The following PLEKHM3 variants were observed in gnomAD, a reference collection of about 807,000 sequenced individuals.
PLEKHM3 encodes pleckstrin homology domain-containing family M member 3.
A neutral mutation model predicts 81.8 loss-of-function variants in PLEKHM3; 45 were observed. That is an observed-to-expected ratio of 0.55 (90% CI 0.43 to 0.71). The LOEUF is 0.71. Among genes scored for constraint, PLEKHM3 ranks in the 30% least tolerant of loss-of-function variants. The probability of loss-of-function intolerance (pLI) is 0.00; values close to 1 mark genes in which losing one functional copy is unlikely to be tolerated. For missense variants in PLEKHM3, 788 were observed against 924.3 expected, an observed-to-expected ratio of 0.85 and a Z score of 1.91; for synonymous variants, 352 against 356.4, an observed-to-expected ratio of 0.99 and a Z score of 0.14.
intron 6 of PLEKHM3, among the ~76,000 whole-genome samples, chr2:207,878,821 T>C (rs989314649): frequency 4.6e-5 from 7 of 151,818 alleles, no homozygotes; most frequent in African/African-American, 1.7e-4. Flanking sequence ...TAGAGCTGGG[T>C]TTTTTTTATT....
At chr2:207,961,598 C>T (rs747712248) in intron 3 of PLEKHM3, among the ~76,000 whole-genome samples, 3 of 152,012 alleles carry the variant, frequency 2.0e-5, no homozygotes, top group Non-Finnish European at 4.4e-5. Flanking sequence ...GAAAGAAACA[C>T]CTTCTATTTT....
chr2:207,923,951 C>T (rs1689296539), intron 5 of PLEKHM3, among the ~76,000 whole-genome samples: 1 of 135,020 alleles, frequency 7.4e-6, no homozygotes, highest in East Asian at 2.2e-4. Flanking sequence ...CTCTGCCTCC[C>T]AGGCTGGAGT....
intron 1 of PLEKHM3, among the ~76,000 whole-genome samples, chr2:208,021,609 T>C (rs549612952): frequency 5.3e-5 from 8 of 152,344 alleles, no homozygotes; most frequent in Admixed American, 3.3e-4. Context: ...TAACAGCTTT[T>C]AAAATAATGT....
chr2:207,850,179 A>C (rs899465433), intron 7 of PLEKHM3, among the ~76,000 whole-genome samples: 2 of 152,020 alleles, frequency 1.3e-5, no homozygotes, highest in African/African-American at 4.8e-5. Context: ...CATTTTAACG[A>C]CCTCATCACC....
At chr2:208,023,162 T>A (rs866977778) in intron 1 of PLEKHM3, among the ~76,000 whole-genome samples, 10 of 151,798 alleles carry the variant, frequency 6.6e-5, no homozygotes, top group Admixed American at 2.6e-4. Context: ...TTTTTTTTTT[T>A]ATGACATGGT....
At chr2:208,012,132 C>T (rs576553123) in intron 1 of PLEKHM3, among the ~76,000 whole-genome samples, 2 of 151,958 alleles carry the variant, frequency 1.3e-5, no homozygotes, top group African/African-American at 2.4e-5. Flanking sequence ...AACTCTGCCT[C>T]CCGGGTTCAC....
At chr2:207,834,483 T>C (rs910952073) in intron 7 of PLEKHM3, among the ~76,000 whole-genome samples, 1 of 148,316 alleles carries the variant, frequency 6.7e-6, no homozygotes, top group Admixed American at 6.9e-5. Flanking sequence ...TGGAGTACAA[T>C]GGCGCAATCT....
chr2:207,829,167 T>C (rs542267533), intron 7 of PLEKHM3, among the ~76,000 whole-genome samples: 1 of 152,316 alleles, frequency 6.6e-6, no homozygotes, highest in South Asian at 2.1e-4. Flanking sequence ...ATGACAGATA[T>C]TGTAATATGT....
In PLEKHM3 at chr2:207,822,424, T is replaced by C. The variant is rs2092223542; in HGVS notation, c.*5895A>G. 1 of 152,712 alleles carries C rather than the reference T, an allele frequency of 6.5e-6. No individual in the cohort carries two copies. Among genetic ancestry groups the C allele is most frequent in the Admixed American group, 6.5e-5 (1 of 15,276 alleles). 9.5% of individuals were successfully genotyped at this position (152,712 alleles called of 1,614,324 possible). A position where few individuals can be genotyped will look rare whatever the true frequency, so the allele number is the denominator to read the frequency against. ...TGGCTGGTTTTTATTTCTCTACCCA[T>C]TGGCCTTGGTGACATCATGACATTC... On this transcript the variant is annotated 3_prime_UTR_variant, in exon 8 of 8. Transcript: ENST00000427836.
At chr2:207,907,955 G>A (rs1314154908) in intron 6 of PLEKHM3, among the ~76,000 whole-genome samples, 1 of 152,138 alleles carries the variant, frequency 6.6e-6, no homozygotes, top group East Asian at 1.9e-4. Context: ...ATTCTTTTCT[G>A]TTTGGCTTCT....
intron 6 of PLEKHM3, among the ~76,000 whole-genome samples, chr2:207,902,205 G>C (rs1223512403): frequency 2.6e-5 from 4 of 152,174 alleles, no homozygotes; most frequent in African/African-American, 9.7e-5. Context: ...TACTTCTTTG[G>C]TGAAAGGGCA....
At chr2:207,909,337 C>A (rs564897219) in intron 5 of PLEKHM3, among the ~76,000 whole-genome samples, 15 of 152,136 alleles carry the variant, frequency 9.9e-5, no homozygotes, top group Admixed American at 9.8e-4. Flanking sequence ...TGGAAAACAA[C>A]ACACACACAA....
rs1413251107 is a variant in PLEKHM3, at chr2:207,946,397, T to C, written c.1662A>G (p.Ile554Met). 6.2e-7 allele frequency: 1 copy of C among 1,614,232 alleles called. No individual in the cohort carries two copies. The highest frequency in any genetic ancestry group is 2.2e-5 in the East Asian group (1 of 44,886). The change falls in exon 4 of 8, where the codon ATA becomes ATG. Residue 554 changes from isoleucine (I) to methionine (M), a missense_variant. Transcript: ENST00000427836. ...ACTTTGAAGTATCCCAGTTGTGGAC[T>C]ATGCGTGCTGGAATGAGAAAGCTGT... is the stretch of plus-strand genomic sequence containing the variant. ...VDDSFLIPAR[I>M]VHNWDTSKYK...
chr2:207,992,882 G>A (rs769816974), intron 2 of PLEKHM3, among the ~76,000 whole-genome samples: 1 of 152,146 alleles, frequency 6.6e-6, no homozygotes, highest in Non-Finnish European at 1.5e-5. Flanking sequence ...AGGCCCAGGA[G>A]CTTGAAAGCA....
intron 2 of PLEKHM3, among the ~76,000 whole-genome samples, chr2:207,978,290 A>AT (rs999421587): frequency 2.7e-5 from 4 of 150,316 alleles, no homozygotes; most frequent in Non-Finnish European, 4.4e-5. Flanking sequence ...CCAGGGTTCC[A>AT]TGTTTTCTAG....
chr2:207,858,136 ATGTGTG>A lies in PLEKHM3; in HGVS notation c.2108+2963_2108+2968del, dbSNP rs141449083. On this transcript the variant is annotated intron_variant, in intron 7 of 7. Transcript: ENST00000427836. ...AAATATTTTGGGGTTTCATATAGATATGTGTGTGTGTGTGTGTGTGTGTGTGTGTGT... is the reference window on the plus strand; with the variant it reads ...AAATATTTTGGGGTTTCATATAGATATGTGTGTGTGTGTGTGTGTGTGTGT... Among the ~76,000 whole-genome samples the A allele has an allele frequency of 2.3e-3, 298 of 126,948 alleles. 2 individuals carry two copies. Among genetic ancestry groups the A allele is most frequent in the Admixed American group, 5.7e-3 (69 of 12,108 alleles). The allele number at this position is 126,948 out of a possible 152,430, so 83.3% of individuals were successfully genotyped here.
At chr2:207,945,789 T>C (rs2105967551) in intron 4 of PLEKHM3, among the ~76,000 whole-genome samples, 1 of 151,944 alleles carries the variant, frequency 6.6e-6, no homozygotes, top group Non-Finnish European at 1.5e-5. Flanking sequence ...TAATTCCAGC[T>C]ACTTGGGAGG....
At chr2:208,022,510 A>C (rs1244086755) in intron 1 of PLEKHM3, among the ~76,000 whole-genome samples, 1 of 152,166 alleles carries the variant, frequency 6.6e-6, no homozygotes, top group Non-Finnish European at 1.5e-5. Context: ...TGTTGACAGA[A>C]TCTAGTTCCT....
rs1453290259 is a variant in PLEKHM3 at position 207,823,955 on chromosome 2, TA to T, written c.*4363del. 2.0e-5 allele frequency: 3 copies of T among 152,228 alleles called. No individual in the cohort carries two copies. The highest frequency in any genetic ancestry group is 7.2e-5 in the African/African-American group (3 of 41,454). 9.4% of individuals were successfully genotyped at this position (152,228 alleles called of 1,614,324 possible). On this transcript the variant is annotated 3_prime_UTR_variant, in exon 8 of 8. Coordinates refer to ENST00000427836, the MANE Select transcript of PLEKHM3 (RefSeq NM_001080475.3). ...TAAGGAGACTACTGGGTGCTAGACT[TA>T]ACTGTCGAAACACCGTTCCACATGA...
Sources: allele counts gnomAD v4.1 joint callset (sites outside exome capture counted in the v4.1 genomes callset), GRCh38; gene constraint gnomAD v4.1.1; transcripts MANE v1.5; gene names NCBI Gene and HGNC (gene_info 2026-07-23, HGNC 2026-07-21).